NRXN3: variants seen among roughly 807,000 people sequenced by gnomAD.
NRXN3 encodes the protein neurexin 3.
NRXN3 carries 32 observed loss-of-function variants against 137.6 expected under a neutral mutation model. The ratio of observed to expected loss-of-function variants is 0.23; its 90% CI spans 0.18 to 0.31. The LOEUF is 0.31. Ranked by LOEUF, NRXN3 falls within the 10% of genes least tolerant of loss-of-function variation. NRXN3 has a pLI of 1.00. For missense variants in NRXN3, 1,574 were observed against 2,062.5 expected (o/e 0.76, Z 4.59); for synonymous variants, 798 against 784.5 (o/e 1.02, Z -0.29).
intron 9 of NRXN3, among the ~76,000 whole-genome samples, chr14:78,805,714 G>A (rs1048623675): frequency 3.3e-5 from 5 of 151,970 alleles, no homozygotes; most frequent in Non-Finnish European, 7.4e-5. Context: ...ACAAACATAT[G>A]AGAATGATTC....
At chr14:79,625,872 C>T (rs541513574) in intron 16 of NRXN3, among the ~76,000 whole-genome samples, 20 of 152,180 alleles carry the variant, frequency 1.3e-4, no homozygotes, top group African/African-American at 3.9e-4. Context: ...AGACTTGGGC[C>T]GGCAACTGAG....
At chr14:79,026,935 A>G (rs1394057310) in intron 15 of NRXN3, among the ~76,000 whole-genome samples, 2 of 135,750 alleles carry the variant, frequency 1.5e-5, no homozygotes, top group East Asian at 2.2e-4. Flanking sequence ...ATATATATAT[A>G]TAACTATTAT....
chr14:78,360,041 C>G (rs1485877323), intron 4 of NRXN3, among the ~76,000 whole-genome samples: 1 of 152,136 alleles, frequency 6.6e-6, no homozygotes, highest in Non-Finnish European at 1.5e-5. Flanking sequence ...AGGAGCTGCC[C>G]CTCACCAACT....
chr14:79,279,677 T>A (rs2080931754), intron 15 of NRXN3: 1 of 986,126 alleles, frequency 1.0e-6, no homozygotes, highest in South Asian at 4.7e-5. Flanking sequence ...GTGGCGCTAG[T>A]CCAGCACGCC....
At chr14:79,207,216 C>A (rs1378616986) in intron 15 of NRXN3, among the ~76,000 whole-genome samples, 1 of 152,180 alleles carries the variant, frequency 6.6e-6, no homozygotes, top group Non-Finnish European at 1.5e-5. Context: ...GTGTCATTAG[C>A]TTCACCTGGG....
intron 16 of NRXN3, among the ~76,000 whole-genome samples, chr14:79,580,081 A>G (rs1451174614): frequency 6.6e-6 from 1 of 152,128 alleles, no homozygotes; most frequent in African/African-American, 2.4e-5. Flanking sequence ...ATTTAACGTA[A>G]TGACTTCTAG....
intron 19 of NRXN3, among the ~76,000 whole-genome samples, chr14:79,801,398 A>G (rs772486829): frequency 3.3e-5 from 5 of 152,230 alleles, no homozygotes; most frequent in Non-Finnish European, 5.9e-5. Flanking sequence ...AAATCGTAAC[A>G]AATAGAGCAC....
At chr14:79,858,349 C>G (rs1276295618) in intron 20 of NRXN3, among the ~76,000 whole-genome samples, 2 of 152,058 alleles carry the variant, frequency 1.3e-5, no homozygotes, top group African/African-American at 4.8e-5. Context: ...GGTTGGGTGT[C>G]ACAGATGGTA....
intron 4 of NRXN3, among the ~76,000 whole-genome samples, chr14:78,552,048 G>A (rs2096696949): frequency 6.6e-6 from 1 of 152,090 alleles, no homozygotes; most frequent in Non-Finnish European, 1.5e-5. Context: ...AAAGATCAGT[G>A]TAGAGGCTTG....
chr14:79,216,902 T>C (rs997981121), intron 15 of NRXN3, among the ~76,000 whole-genome samples: 7 of 152,028 alleles, frequency 4.6e-5, no homozygotes, highest in Non-Finnish European at 7.4e-5. Flanking sequence ...TTTGGGAGGC[T>C]GAGGTGGGTG....
chr14:79,214,189 C>T (rs1012433359), intron 15 of NRXN3, among the ~76,000 whole-genome samples: 6 of 152,312 alleles, frequency 3.9e-5, no homozygotes, highest in African/African-American at 1.4e-4. Context: ...ATATTACTCT[C>T]TCATAGAATA....
chr14:78,729,165 G>T (rs2098502391), intron 8 of NRXN3, among the ~76,000 whole-genome samples: 1 of 152,158 alleles, frequency 6.6e-6, no homozygotes, highest in South Asian at 2.1e-4. Flanking sequence ...ATCTTATAAA[G>T]TTTGTGGTAT....
chr14:79,481,131 T>G (rs1326087788), intron 16 of NRXN3, among the ~76,000 whole-genome samples: 1 of 141,640 alleles, frequency 7.1e-6, no homozygotes, highest in Non-Finnish European at 1.6e-5. Context: ...CTCATGGTAC[T>G]TACATTCTAG....
chr14:79,467,544 A>G (rs2096444892), intron 16 of NRXN3, 142 bp downstream of exon 16: 2 of 713,298 alleles, frequency 2.8e-6, no homozygotes, highest in African/African-American at 3.6e-5. Flanking sequence ...GTGAACCATC[A>G]TATTTACAGG....
At chr14:79,444,891 T>G (rs2096032155) in intron 15 of NRXN3, among the ~76,000 whole-genome samples, 1 of 152,144 alleles carries the variant, frequency 6.6e-6, no homozygotes, top group Non-Finnish European at 1.5e-5. Context: ...ATACATATTG[T>G]GGAGATTGTG....
intron 4 of NRXN3, among the ~76,000 whole-genome samples, chr14:78,573,649 G>C (rs1455890972): frequency 6.6e-6 from 1 of 152,148 alleles, no homozygotes; most frequent in African/African-American, 2.4e-5. Context: ...GAGGTGACTT[G>C]GGTGTTCTTA....
intron 20 of NRXN3, among the ~76,000 whole-genome samples, chr14:79,845,602 GAC>G (rs1312331890): frequency 7.0e-6 from 1 of 142,118 alleles, no homozygotes; most frequent in Non-Finnish European, 1.6e-5. Context: ...GAGAGAGAGA[GAC>G]AGAGAGAGAG....
chr14:78,621,663 A>T (rs1209286851), intron 4 of NRXN3, among the ~76,000 whole-genome samples: 1 of 152,028 alleles, frequency 6.6e-6, no homozygotes, highest in Non-Finnish European at 1.5e-5. Flanking sequence ...CATTAGTGTA[A>T]TTTTTTCCCA....
At position 79,863,692 on chromosome 14, in the gene NRXN3, A is replaced by C. The variant is rs1484590152; in HGVS notation, c.*1728A>C. The C allele has an allele frequency of 6.6e-6, 1 of 152,626 alleles. No individual in the cohort carries two copies. The highest frequency in any genetic ancestry group is 2.4e-5 in the African/African-American group (1 of 41,448). The allele number at this position is 152,626 out of a possible 1,614,324, so 9.5% of individuals were successfully genotyped here. On this transcript the variant is annotated 3_prime_UTR_variant, in exon 21 of 21. Coordinates refer to ENST00000335750, the MANE Select transcript of NRXN3 (RefSeq NM_001330195.2). ...TAAAGAGGAAACAATGTACAGAAAA[A>C]CAATAAACTGGTTGTATGGCCATAG...
Sources: gnomAD v4.1 joint callset for allele counts (sites outside exome capture counted in the v4.1 genomes callset) on GRCh38, gnomAD v4.1.1 for gene constraint, MANE v1.5 for transcripts, NCBI Gene and HGNC (gene_info 2026-07-23, HGNC 2026-07-21) for gene names.